XPO1: variants seen among roughly 807,000 people sequenced by gnomAD.
The protein encoded by XPO1 is exportin-1.
In XPO1, 5 loss-of-function variants were observed where a neutral mutation model predicts 133.3. The ratio of observed to expected loss-of-function variants is 0.04; its 90% CI spans 0.02 to 0.08. The LOEUF is 0.08. Ranked by LOEUF, XPO1 falls within the 10% of genes least tolerant of loss-of-function variation. The pLI is 1.00. For synonymous variants in XPO1, 419 were observed against 408.2 expected (o/e 1.03, Z -0.32); for missense variants, 506 against 1,267.5 (o/e 0.40, Z 9.12).
In XPO1 at chr2:61,506,598, CAAA is replaced by C. The variant is rs71405128; in HGVS notation, c.302-4291_302-4289del. On this transcript the variant is annotated intron_variant, in intron 4 of 24. Transcript: ENST00000401558. ...TGGGCGACAGAGCAAGATTCCGTCT[CAAA>C]AAAAAAAAAAAAAATCCAATGTTAA... Among the ~76,000 whole-genome samples the C allele has an allele frequency of 3.9e-3, 314 of 81,406 alleles. 7 individuals are homozygous for C. Among genetic ancestry groups the C allele is most frequent in the Non-Finnish European group, 3.9e-3 (171 of 44,180 alleles). 53.4% of individuals were successfully genotyped at this position (81,406 alleles called of 152,430 possible).
At chr2:61,489,789 G>C (rs1971183) in intron 17 of XPO1, among the ~76,000 whole-genome samples, 94,902 of 151,784 alleles carry the variant, frequency 0.63, 29,713 homozygotes, top group Middle Eastern at 0.7. Flanking sequence ...CCCCTGACCT[G>C]GTGATCCGCC....
intron 2 of XPO1, among the ~76,000 whole-genome samples, chr2:61,528,248 G>T (rs1698993226): frequency 6.6e-6 from 1 of 151,960 alleles, no homozygotes; most frequent in African/African-American, 2.4e-5. Flanking sequence ...CATGAACTTA[G>T]TGTGTCTTTT....
chr2:61,528,815 A>G (rs1243327608), intron 2 of XPO1, among the ~76,000 whole-genome samples: 1 of 147,066 alleles, frequency 6.8e-6, no homozygotes, highest in African/African-American at 2.5e-5. Context: ...TCATACATTA[A>G]TATTTTTACC....
Position 61,483,055 on chromosome 2 carries a change from G to C in XPO1, c.2714C>G (p.Ala905Gly). The change falls in exon 22 of 25, where the codon GCA becomes GGA. Residue 905 changes from alanine to glycine, a missense_variant. Physicochemically the swap from Ala to Gly is moderately conservative, Grantham distance 60. Transcript: ENST00000401558. ...QILFTLLQNV[A>G]QEEAAAQSFY... ...ACTCTGAGCTGCAGCTTCTTCTTGTGCAACATTTTGTAAGAGTGTAAAAAG... is the reference window on the plus strand; with the variant it reads ...ACTCTGAGCTGCAGCTTCTTCTTGTCCAACATTTTGTAAGAGTGTAAAAAG... 8 of 1,613,464 alleles carry C rather than the reference G, an allele frequency of 5.0e-6. No homozygotes were observed. In the South Asian group the frequency reaches 8.8e-5, roughly 18 times the overall value.
At position 61,522,046 on chromosome 2, in the gene XPO1, C is replaced by A. The variant is rs569957596; in HGVS notation, c.301+565G>T. Among the ~76,000 whole-genome samples the A allele has an allele frequency of 5.9e-5, 9 of 152,236 alleles. 1 individual carries two copies. Among genetic ancestry groups the A allele is most frequent in the Admixed American group, 5.9e-4 (9 of 15,280 alleles). On this transcript the variant is annotated intron_variant, in intron 4 of 24. Transcript: ENST00000401558. ...GTCCTGGGATTACAGGCTTGAGCCA[C>A]TGTGCCCGGCCCATATTTTATTTAT...
At chr2:61,508,703 C>T (rs1263679005) in intron 4 of XPO1, among the ~76,000 whole-genome samples, 2 of 152,192 alleles carry the variant, frequency 1.3e-5, no homozygotes, top group Non-Finnish European at 2.9e-5. Flanking sequence ...TTCACTAAAA[C>T]TCTTTAAAAT....
At chr2:61,503,423 GCTA>G (rs1573159046) in intron 4 of XPO1, among the ~76,000 whole-genome samples, 2 of 151,238 alleles carry the variant, frequency 1.3e-5, no homozygotes, top group East Asian at 3.9e-4. Context: ...ACCACATCCA[GCTA>G]CTATTTTTTT....
In XPO1 at chr2:61,483,100, CAT is replaced by C. The variant is rs746246917; in HGVS notation, c.2678-11_2678-10del. The C allele has an allele frequency of 2.2e-5, 36 of 1,603,982 alleles. 1 individual carries two copies. In the African/African-American group the frequency reaches 2.3e-4, roughly 10 times the overall value. On this transcript the variant is annotated splice_polypyrimidine_tract_variant and intron_variant, in intron 21 of 24. Coordinates refer to ENST00000401558, the MANE Select transcript of XPO1 (RefSeq NM_003400.4). ...AAAAAGTATCTGTAAGCCTAAAAGACATAGAATACCAATGGAAAGTTACTACA... is the reference window on the plus strand; with the variant it reads ...AAAAAGTATCTGTAAGCCTAAAAGACAGAATACCAATGGAAAGTTACTACA...
intron 19 of XPO1, among the ~76,000 whole-genome samples, chr2:61,487,384 T>C (rs1259158628): frequency 6.6e-6 from 1 of 152,210 alleles, no homozygotes; most frequent in African/African-American, 2.4e-5. Context: ...GTTCACATAA[T>C]ACGCATGTTC....
intron 11 of XPO1, 28 bp from the exon 12 acceptor site, chr2:61,494,119 T>C (rs1038982188): frequency 6.3e-7 from 1 of 1,589,900 alleles, no homozygotes. Flanking sequence ...ACTGTTAAAA[T>C]AATTCTTAAA....
chr2:61,493,057 T>C lies in XPO1; in HGVS notation c.1246-4A>G. On this transcript the variant is annotated splice_polypyrimidine_tract_variant and splice_region_variant and intron_variant, in intron 12 of 24. Transcript: ENST00000401558. ...GACTAACCATTAATAAACGGACCTATACTCAACAATATATCAATCAAGAAA... is the reference window on the plus strand; with the variant it reads ...GACTAACCATTAATAAACGGACCTACACTCAACAATATATCAATCAAGAAA... 5.1e-6 allele frequency: 8 copies of C among 1,578,662 alleles called. No homozygotes were observed. Among genetic ancestry groups the C allele is most frequent in the Non-Finnish European group, 6.8e-6 (8 of 1,170,858 alleles).
At chr2:61,502,393 G>A in intron 4 of XPO1, 83 bp from the exon 5 acceptor site, 1 of 1,276,152 alleles carries the variant, frequency 7.8e-7, no homozygotes. Context: ...AATTAATGTG[G>A]GAATGGAAAG....
chr2:61,532,526 C>G (rs1028513731), intron 2 of XPO1, among the ~76,000 whole-genome samples: 41 of 152,154 alleles, frequency 2.7e-4, no homozygotes, highest in African/African-American at 9.9e-4. Flanking sequence ...ATCTACTGTT[C>G]TGGCAACAAA....
chr2:61,500,885 T>A (rs539092690), intron 6 of XPO1, among the ~76,000 whole-genome samples: 1 of 152,208 alleles, frequency 6.6e-6, no homozygotes, highest in Non-Finnish European at 1.5e-5. Context: ...GACAGCTTAT[T>A]ATTGGATGCA....
At chr2:61,486,129 G>T (rs1287881681) in intron 19 of XPO1, among the ~76,000 whole-genome samples, 167 bp from the exon 20 acceptor site, 1 of 152,106 alleles carries the variant, frequency 6.6e-6, no homozygotes, top group Admixed American at 6.6e-5. Context: ...TTTAGCAAAA[G>T]AAAGCAGGAA....
intron 2 of XPO1, among the ~76,000 whole-genome samples, 185 bp from the exon 3 acceptor site, chr2:61,526,706 ATTTT>A (rs34463563): frequency 3.0e-5 from 4 of 134,948 alleles, no homozygotes; most frequent in Non-Finnish European, 4.8e-5. Context: ...ATGACTCCCA[ATTTT>A]TTTTTTTTTT....
chr2:61,514,201 C>G (rs1485984343), intron 4 of XPO1, among the ~76,000 whole-genome samples: 1 of 149,606 alleles, frequency 6.7e-6, no homozygotes, highest in Non-Finnish European at 1.5e-5. Context: ...AAAAAAAAAA[C>G]TGAGCAAAAT....
rs55737388 is a variant in XPO1, at chr2:61,507,243, C to CAAAAAAAAAAAA, written c.302-4945_302-4934dup. ...TGGGTGACAGCGGGAGACTCCATCT[C>CAAAAAAAAAAAA]AAAAAAAAAAAAAAAAGAGTGAAGA... On this transcript the variant is annotated intron_variant, in intron 4 of 24. Transcript: ENST00000401558. Among the ~76,000 whole-genome samples the CAAAAAAAAAAAA allele has an allele frequency of 1.2e-3, 76 of 65,456 alleles. 3 individuals are homozygous for CAAAAAAAAAAAA. The highest frequency in any genetic ancestry group is 4.3e-3 in the African/African-American group (66 of 15,454). 42.9% of individuals were successfully genotyped at this position (65,456 alleles called of 152,430 possible). A position where few individuals can be genotyped will look rare whatever the true frequency, so the allele number is the denominator to read the frequency against.
intron 20 of XPO1, chr2:61,485,473 A>AACCC (rs1553402570): frequency 2.9e-5 from 3 of 103,594 alleles, no homozygotes; most frequent in South Asian, 3.5e-4. Context: ...GGCTCAAGTG[A>AACCC]CCCCCCCCCC....
Sources: gnomAD v4.1 joint callset for allele counts (sites outside exome capture counted in the v4.1 genomes callset) on GRCh38, gnomAD v4.1.1 for gene constraint, MANE v1.5 for transcripts, NCBI Gene and HGNC (gene_info 2026-07-23, HGNC 2026-07-21) for gene names.